Variants in ARHGEF16 observed in about 807,000 individuals in gnomAD.
ARHGEF16 encodes Rho guanine nucleotide exchange factor 16.
ARHGEF16 carries 59 observed loss-of-function variants against 74.1 expected under a neutral mutation model. The ratio of observed to expected loss-of-function variants is 0.80; its 90% CI spans 0.65 to 0.99. The LOEUF (loss-of-function observed/expected upper bound fraction) is 0.99. Among genes scored for constraint, ARHGEF16 ranks in the 50% least tolerant of loss-of-function variants. The pLI, the probability that ARHGEF16 is intolerant of heterozygous loss-of-function variation, is 0.00. For missense variants in ARHGEF16, 948 were observed against 986.6 expected (o/e 0.96, Z 0.52); for synonymous variants, 415 against 412.6 (o/e 1.01, Z -0.07).
intron 9 of ARHGEF16, 118 bp from the exon 10 acceptor site, chr1:3,475,852 C>A: frequency 1.0e-6 from 1 of 958,252 alleles, no homozygotes; most frequent in South Asian, 1.7e-5. Flanking sequence ...TGGTCCAGGG[C>A]AGGCACTGTG....
chr1:3,479,582 G>A lies in ARHGEF16; in HGVS notation c.1880G>A (p.Ser627Asn). The A allele has an allele frequency of 6.2e-7, 1 of 1,611,748 alleles. No homozygotes were observed. The highest frequency in any genetic ancestry group is 8.5e-7 in the Non-Finnish European group (1 of 1,179,548). ...GAGAGACAGTGGCAGGGCCTCTCCA[G>A]CAAAGGAGGTGAGTGCGGGCTGGGG... ...HSERQWQGLSSKGDLPQVEIT... is the reference protein window; with the variant it reads ...HSERQWQGLSNKGDLPQVEIT... The change falls in exon 13 of 15, where the codon AGC becomes AAC. Residue 627 changes from serine (S) to asparagine (N), a missense_variant. Coordinates refer to ENST00000378378, the MANE Select transcript of ARHGEF16 (RefSeq NM_014448.4).
chr1:3,473,238 G>A lies in ARHGEF16; in HGVS notation c.1175+8G>A, dbSNP rs1317025130. 1 of 1,612,338 alleles carries A rather than the reference G, an allele frequency of 6.2e-7. No individual in the cohort carries two copies. ...CACGCTGCAGAAGCTGATGTGAGTGGGCGGCCCCGAGGCCCGCAGGGTGGC... is the reference window on the plus strand; with the variant it reads ...CACGCTGCAGAAGCTGATGTGAGTGAGCGGCCCCGAGGCCCGCAGGGTGGC... On this transcript the variant is annotated splice_region_variant and intron_variant, in intron 7 of 14. Transcript: ENST00000378378.
intron 1 of ARHGEF16, among the ~76,000 whole-genome samples, chr1:3,460,214 C>T (rs1305629485): frequency 2.0e-5 from 3 of 152,184 alleles, no homozygotes; most frequent in Non-Finnish European, 4.4e-5. Context: ...CCAGCAATGG[C>T]TCAGGCTCTG....
At chr1:3,460,456 G>A (rs1639366577) in intron 1 of ARHGEF16, among the ~76,000 whole-genome samples, 1 of 152,176 alleles carries the variant, frequency 6.6e-6, no homozygotes, top group Non-Finnish European at 1.5e-5. Flanking sequence ...TGGGGTCTTG[G>A]GGACATTTGT....
chr1:3,463,605 G>T lies in ARHGEF16; in HGVS notation c.521G>T (p.Ser174Ile). Reference protein sequence around the residue: ...PGGQGDAIQLSPKLQALAEEP... With the variant: ...PGGQGDAIQLIPKLQALAEEP... ...GGCCAGGGAGATGCCATCCAGCTAA[G>T]CCCTAAGCTCCAGGCTCTGGCTGAG... The change falls in exon 2 of 15, where the codon AGC (serine) becomes ATC (isoleucine). Residue 174 changes from serine (S) to isoleucine (I), a missense_variant. By Grantham distance (142) the Ser-to-Ile change is moderately radical. Coordinates refer to ENST00000378378, the MANE Select transcript of ARHGEF16 (RefSeq NM_014448.4). 1.4e-6 allele frequency: 2 copies of T among 1,443,708 alleles called. No individual in the cohort carries two copies. The highest frequency in any genetic ancestry group is 1.8e-6 in the Non-Finnish European group (2 of 1,094,472). 89.4% of individuals were successfully genotyped at this position (1,443,708 alleles called of 1,614,324 possible).
chr1:3,466,968 C>A, intron 3 of ARHGEF16, 200 bp from the exon 4 acceptor site: 1 of 553,674 alleles, frequency 1.8e-6, no homozygotes, highest in Non-Finnish European at 3.1e-6. Context: ...GAGCCGGGAC[C>A]AGCCCATTTC....
rs548767965 is a variant in ARHGEF16 at position 3,462,037 on chromosome 1, A to G, written c.-19-1029A>G. Reference sequence around the variant, plus strand: ...GTGCCAGCCCCGGACCATGAAGGGAACAGTGGGGTAGAGATGGGCTCGGGG... The same window carrying G: ...GTGCCAGCCCCGGACCATGAAGGGAGCAGTGGGGTAGAGATGGGCTCGGGG... On this transcript the variant is annotated intron_variant, in intron 1 of 14. Transcript: ENST00000378378. 2.7e-4 allele frequency among the ~76,000 whole-genome samples: 40 copies of G among 150,714 alleles called. No individual in the cohort carries two copies. The Middle Eastern group carries it at 0.01, about 38-fold the overall frequency.
chr1:3,465,305 G>A (rs1302103762), intron 2 of ARHGEF16, among the ~76,000 whole-genome samples: 2 of 152,252 alleles, frequency 1.3e-5, no homozygotes, highest in African/African-American at 4.8e-5. Context: ...GGGGGTGCTG[G>A]GAGCACAGAG....
intron 1 of ARHGEF16, among the ~76,000 whole-genome samples, chr1:3,455,023 G>A (rs923665498): frequency 6.6e-6 from 1 of 151,832 alleles, no homozygotes; most frequent in Non-Finnish European, 1.5e-5. Context: ...GGGCTGAGCC[G>A]GATGCGACTT....
At chr1:3,471,565 C>T (rs1229832440) in intron 6 of ARHGEF16, 31 of 993,914 alleles carry the variant, frequency 3.1e-5, no homozygotes, top group Middle Eastern at 5.0e-4. Flanking sequence ...TCTGGGATAG[C>T]GGCTGCCCCT....
chr1:3,464,161 A>C (rs1639479838), intron 2 of ARHGEF16, among the ~76,000 whole-genome samples: 1 of 152,106 alleles, frequency 6.6e-6, no homozygotes, highest in African/African-American at 2.4e-5. Flanking sequence ...CTGTACACAG[A>C]GCCCTGCTTC....
intron 10 of ARHGEF16, among the ~76,000 whole-genome samples, chr1:3,477,258 C>T: frequency 8.6e-6 from 1 of 116,176 alleles, no homozygotes; most frequent in Non-Finnish European, 1.8e-5. Flanking sequence ...ACTCTGCCCT[C>T]CCCCCCACCC....
Position 3,478,482 on chromosome 1 carries a change from A to G in ARHGEF16, c.1684A>G (p.Ile562Val). 1 of 1,612,604 alleles carries G rather than the reference A, an allele frequency of 6.2e-7. No individual in the cohort carries two copies. The highest frequency in any genetic ancestry group is 1.1e-5 in the South Asian group (1 of 91,060). ...GATGAACCACATCCAGGTGGAGAAG[A>G]TAGAGCCGTCTGAGCTCCCTCTGCC... ...AQMNHIQVEKIEPSELPLPGG... is the reference protein window; with the variant it reads ...AQMNHIQVEKVEPSELPLPGG... Residue 562 changes from isoleucine to valine, a missense_variant, in exon 12 of 15, where the codon ATA becomes GTA. Transcript: ENST00000378378.
At position 3,456,101 on chromosome 1, in the gene ARHGEF16, T is replaced by G. The variant is rs74050503; in HGVS notation, c.-20+1290T>G. 9.4e-3 allele frequency among the ~76,000 whole-genome samples: 1,424 copies of G among 152,154 alleles called. 21 individuals carry two copies. The highest frequency in any genetic ancestry group is 0.032 in the African/African-American group (1,347 of 41,516). ...GTCACCTGGAGGGTGGGATGGGCCCTCCCTCCACCTGGACACTGGGGAGAA... is the reference window on the plus strand; with the variant it reads ...GTCACCTGGAGGGTGGGATGGGCCCGCCCTCCACCTGGACACTGGGGAGAA... On this transcript the variant is annotated intron_variant, in intron 1 of 14. Transcript: ENST00000378378.
intron 12 of ARHGEF16, among the ~76,000 whole-genome samples, chr1:3,478,887 G>A (rs1233948393): frequency 6.6e-6 from 1 of 152,204 alleles, no homozygotes; most frequent in East Asian, 1.9e-4. Flanking sequence ...TGCGGGGGGT[G>A]CCGTGAGGAA....
chr1:3,465,328 CA>C (rs1639509871), intron 2 of ARHGEF16, among the ~76,000 whole-genome samples: 1 of 152,158 alleles, frequency 6.6e-6, no homozygotes, highest in South Asian at 2.1e-4. Flanking sequence ...GGGGGCTCCC[CA>C]TGGCCTCGGG....
At chr1:3,476,084 G>A (rs1639864460) in intron 10 of ARHGEF16, 22 bp downstream of exon 10, 2 of 1,547,684 alleles carry the variant, frequency 1.3e-6, no homozygotes, top group Non-Finnish European at 1.7e-6. Context: ...CGGACATCAG[G>A]GCCACTCGGA....
chr1:3,460,621 C>T (rs1054508689), intron 1 of ARHGEF16, among the ~76,000 whole-genome samples: 4 of 152,142 alleles, frequency 2.6e-5, no homozygotes, highest in African/African-American at 9.7e-5. Flanking sequence ...GGCGTGTAGA[C>T]AGAAGCCTAA....
chr1:3,477,953 C>G lies in ARHGEF16; in HGVS notation c.1552C>G (p.Arg518Gly). The change falls in exon 11 of 15, where the codon CGA becomes GGA. Residue 518 changes from arginine (R) to glycine (G), a missense_variant. Transcript: ENST00000378378. ...CTTAGTGGAAGAAACCGGACTTTTT[C>G]GAAAAATTGCCAGCCGGCCAACGTG... Reference protein sequence around the residue: ...LFLVEETGLFRKIASRPTCYL... With the variant: ...LFLVEETGLFGKIASRPTCYL... The G allele has an allele frequency of 6.2e-7, 1 of 1,612,612 alleles. No individual in the cohort carries two copies.
Sources: allele counts gnomAD v4.1 joint callset (sites outside exome capture counted in the v4.1 genomes callset), GRCh38; gene constraint gnomAD v4.1.1; transcripts MANE v1.5; gene names NCBI Gene and HGNC (gene_info 2026-07-23, HGNC 2026-07-21).